OVCH2: variants seen among roughly 807,000 people sequenced by gnomAD.
OVCH2 encodes the protein ovochymase 2.
Under a neutral mutation model 73.7 loss-of-function variants are expected in OVCH2, and 88 were observed. That is an observed-to-expected ratio of 1.19 (90% confidence interval 1.01 to 1.43). The LOEUF is 1.43. Ranked by LOEUF, OVCH2 falls within the 40% of genes most tolerant of loss-of-function variation. The pLI, the probability that OVCH2 is intolerant of heterozygous loss-of-function variation, is 0.00. For missense variants in OVCH2, 706 were observed against 674.5 expected (o/e 1.05, Z -0.52); for synonymous variants, 265 against 234.5 (o/e 1.13, Z -1.19).
rs1280067287 is a variant in OVCH2, at chr11:7,702,197, A to G, written c.423T>C (p.Tyr141=). The stretch of plus-strand genomic sequence containing the variant: ...CAGCCATCTTCAAAAGGGCAATATC[A>G]TAGTCCATTGGTTTCTTGGTGGAGA... ...PHFSTKKPMD[Y]DIALLKMAGA... is the part of the protein sequence containing the mutation. Residue 141 remains tyrosine (Y), a synonymous_variant, in exon 4 of 16, where the codon TAT becomes TAC. Coordinates refer to ENST00000533663, the MANE Select transcript of OVCH2 (RefSeq NM_198185.7). 3.7e-6 allele frequency: 6 copies of G among 1,611,864 alleles called. No homozygotes were observed. In the African/African-American group the frequency reaches 5.3e-5, roughly 14 times the overall value.
chr11:7,684,095 T>G, the OVCH2 span, among the ~76,000 whole-genome samples: 1 of 151,968 alleles, frequency 6.6e-6, no homozygotes, highest in Non-Finnish European at 1.5e-5. Flanking sequence ...GACTGTTGTC[T>G]ATTTTTCTTA....
At position 7,701,370 on chromosome 11, in the gene OVCH2, G is replaced by A; in HGVS notation, c.665C>T (p.Thr222Ile). 2 of 1,613,396 alleles carry A rather than the reference G, an allele frequency of 1.2e-6. No homozygotes were observed. Among genetic ancestry groups the A allele is most frequent in the Non-Finnish European group, 1.7e-6 (2 of 1,179,730 alleles). Residue 222 changes from threonine (T) to isoleucine (I), a missense_variant, in exon 6 of 16, where the codon ACC becomes ATC. Transcript: ENST00000533663. ...ATCAGGAAAACCTGTGCAAAGAAAG[G>A]TCTTCCCACTGATGGGCCTCTTTAG... ...LTLKRPISGK[T>I]FLCTGFPDGG...
the OVCH2 span, among the ~76,000 whole-genome samples, chr11:7,682,946 C>T: frequency 6.6e-6 from 1 of 152,166 alleles, no homozygotes; most frequent in African/African-American, 2.4e-5. Context: ...TCCTTTGAAA[C>T]CACCATGTTG....
chr11:7,680,694 T>C, the OVCH2 span, among the ~76,000 whole-genome samples: 4 of 152,216 alleles, frequency 2.6e-5, no homozygotes, highest in South Asian at 2.1e-4. Context: ...TGTTGACACA[T>C]TGACTTTAGC....
At chr11:7,698,220 A>T (rs1381724596) in intron 8 of OVCH2, among the ~76,000 whole-genome samples, 1 of 152,154 alleles carries the variant, frequency 6.6e-6, no homozygotes, top group East Asian at 1.9e-4. Context: ...CTGAGCTCTC[A>T]GGGTACTATT....
chr11:7,689,503 C>G lies in OVCH2; in HGVS notation c.*131G>C, dbSNP rs561293904. Reference sequence around the variant, plus strand: ...GGCTAGAAGTCCAAGATCAACGTGTCAGCAGGGATGGCTCTGTCTGAGGGC... The same window carrying G: ...GGCTAGAAGTCCAAGATCAACGTGTGAGCAGGGATGGCTCTGTCTGAGGGC... On this transcript the variant is annotated 3_prime_UTR_variant, in exon 16 of 16. Transcript: ENST00000533663. 504 of 374,216 alleles carry G rather than the reference C, an allele frequency of 1.3e-3. 2 individuals carry two copies. The highest frequency in any genetic ancestry group is 2.0e-3 in the Non-Finnish European group (370 of 186,732). 23.2% of individuals were successfully genotyped at this position (374,216 alleles called of 1,614,324 possible). A position where few individuals can be genotyped will look rare whatever the true frequency, so the allele number is the denominator to read the frequency against.
rs1213434071 is a variant in OVCH2, at chr11:7,701,739, G to A, written c.536C>T (p.Ala179Val). 1 of 1,612,260 alleles carries A rather than the reference G, an allele frequency of 6.2e-7. No homozygotes were observed. The highest frequency in any genetic ancestry group is 8.5e-7 in the Non-Finnish European group (1 of 1,179,322). ...QFEAGFICTT[A>V]GWGRLTEGGV... The stretch of plus-strand genomic sequence containing the variant: ...ACCTTCAGTTAAGCGGCCCCAGCCT[G>A]CAGTTGTACAAATAAAACCAGCCTC... The change falls in exon 5 of 16, where the codon GCA becomes GTA. Residue 179 changes from alanine to valine, a missense_variant. Coordinates refer to ENST00000533663, the MANE Select transcript of OVCH2 (RefSeq NM_198185.7).
chr11:7,678,816 G>A, the OVCH2 span, among the ~76,000 whole-genome samples: 4 of 152,162 alleles, frequency 2.6e-5, no homozygotes, highest in African/African-American at 4.8e-5. Context: ...GGCATGGACT[G>A]AAAAACTACT....
chr11:7,700,582 A>G, intron 6 of OVCH2, 97 bp from the exon 7 acceptor site: 1 of 1,276,880 alleles, frequency 7.8e-7, no homozygotes, highest in Non-Finnish European at 1.1e-6. Flanking sequence ...AGGATCAATG[A>G]CATCTCCTCA....
intron 10 of OVCH2, among the ~76,000 whole-genome samples, chr11:7,696,082 G>A (rs1333487677): frequency 2.0e-5 from 3 of 152,298 alleles, no homozygotes; most frequent in Admixed American, 6.5e-5. Context: ...TCCTTCTCAT[G>A]GTTGTCTATT....
In OVCH2 at chr11:7,695,205, A is replaced by T. The variant is rs1856306069; in HGVS notation, c.1283-17T>A. 2.6e-6 allele frequency: 4 copies of T among 1,549,620 alleles called. No homozygotes were observed. Among genetic ancestry groups the T allele is most frequent in the Non-Finnish European group, 3.5e-6 (4 of 1,149,156 alleles). ...AACCTGAATCTGAAACGTAAGAAAA[A>T]GTCCAAACAGATGGCACCATTCAAA... On this transcript the variant is annotated splice_polypyrimidine_tract_variant and intron_variant, in intron 11 of 15. Coordinates refer to ENST00000533663, the MANE Select transcript of OVCH2 (RefSeq NM_198185.7).
intron 12 of OVCH2, among the ~76,000 whole-genome samples, chr11:7,694,438 G>A (rs1214348085): frequency 6.6e-6 from 1 of 152,006 alleles, no homozygotes; most frequent in East Asian, 1.9e-4. Flanking sequence ...CCTGTTCTGC[G>A]CTGGTTCCTC....
intron 3 of OVCH2, among the ~76,000 whole-genome samples, chr11:7,703,352 G>A (rs1231654165): frequency 6.6e-6 from 1 of 152,144 alleles, no homozygotes. Flanking sequence ...TTCTTCAGAT[G>A]CATAATGAAC....
intron 11 of OVCH2, 147 bp downstream of exon 11, chr11:7,695,423 C>T: frequency 2.1e-6 from 2 of 946,570 alleles, no homozygotes; most frequent in Non-Finnish European, 3.1e-6. Flanking sequence ...GAGACTGCCC[C>T]CTGTTCTCTA....
At chr11:7,703,942 G>T (rs544392474) in intron 2 of OVCH2, among the ~76,000 whole-genome samples, 153 bp from the exon 3 acceptor site, 1 of 152,166 alleles carries the variant, frequency 6.6e-6, no homozygotes, top group African/African-American at 2.4e-5. Context: ...AGACACTACC[G>T]CTCAGAAAGA....
the OVCH2 span, among the ~76,000 whole-genome samples, chr11:7,684,261 C>T: frequency 5.9e-5 from 9 of 151,984 alleles, no homozygotes; most frequent in African/African-American, 2.2e-4. Flanking sequence ...ATTCCATTCA[C>T]TGGAAAGCAA....
chr11:7,704,981 T>C (rs1856506748), intron 1 of OVCH2, among the ~76,000 whole-genome samples: 1 of 152,156 alleles, frequency 6.6e-6, no homozygotes, highest in Non-Finnish European at 1.5e-5. Flanking sequence ...AAGTTGTTTT[T>C]ATTTATTTGC....
In OVCH2 at chr11:7,691,929, T is replaced by C; in HGVS notation, c.1480A>G (p.Ser494Gly). The change falls in exon 13 of 16, where the codon AGC (serine) becomes GGC (glycine). Residue 494 changes from serine (S) to glycine (G), a missense_variant. Transcript: ENST00000533663. Reference sequence around the variant, plus strand: ...ATTTCCTTCTTCCTTTCTACATCGCTGTGCACTGTCACATAGTCGGAAGTG... The same window carrying C: ...ATTTCCTTCTTCCTTTCTACATCGCCGTGCACTGTCACATAGTCGGAAGTG... ...DCTSDYVTVH[S>G]DVERKKEIAR... 6.3e-7 allele frequency: 1 copy of C among 1,574,864 alleles called. No individual in the cohort carries two copies. Among genetic ancestry groups the C allele is most frequent in the Non-Finnish European group, 8.6e-7 (1 of 1,158,424 alleles).
Position 7,704,551 on chromosome 11 carries a change from TC to T in OVCH2, c.198+13del. ...TAGCACAGTTCTTGATGCATAGAAGTCCTTGAGACTCACCTGCCAGGGATAG... is the reference window on the plus strand; with the variant it reads ...TAGCACAGTTCTTGATGCATAGAAGTCTTGAGACTCACCTGCCAGGGATAG... On this transcript the variant is annotated intron_variant, in intron 2 of 15. Transcript: ENST00000533663. 6.5e-7 allele frequency: 1 copy of T among 1,546,224 alleles called. No homozygotes were observed. Among genetic ancestry groups the T allele is most frequent in the Non-Finnish European group, 8.9e-7 (1 of 1,121,636 alleles).
Sources: allele counts gnomAD v4.1 joint callset (sites outside exome capture counted in the v4.1 genomes callset), GRCh38; gene constraint gnomAD v4.1.1; transcripts MANE v1.5; gene names NCBI Gene and HGNC (gene_info 2026-07-23, HGNC 2026-07-21).